The following IFT88 variants were observed in gnomAD, a reference collection of about 807,000 sequenced individuals.
The protein encoded by IFT88 is intraflagellar transport 88.
In IFT88, 74 loss-of-function variants were observed where a neutral mutation model predicts 119.5. The observed-to-expected ratio is 0.62, with a 90% CI of 0.51 to 0.75. IFT88 has a LOEUF of 0.75. Among genes scored for constraint, IFT88 ranks in the 30% least tolerant of loss-of-function variants. The pLI, the probability that IFT88 is intolerant of heterozygous loss-of-function variation, is 0.00. For synonymous variants in IFT88, 279 were observed against 316.7 expected (o/e 0.88, Z 1.26); for missense variants, 961 against 977.7 (o/e 0.98, Z 0.23).
chr13:20,615,409 C>G (rs959483167), intron 13 of IFT88, among the ~76,000 whole-genome samples: 1 of 152,094 alleles, frequency 6.6e-6, no homozygotes, highest in Non-Finnish European at 1.5e-5. Context: ...AATAGTAATT[C>G]AGTTTTACTC....
At chr13:20,610,451 G>A (rs2044282895) in intron 13 of IFT88, among the ~76,000 whole-genome samples, 2 of 152,132 alleles carry the variant, frequency 1.3e-5, no homozygotes, top group South Asian at 4.2e-4. Context: ...CAGGAAACGG[G>A]GATAATTTTG....
chr13:20,648,945 A>G (rs2051166487), intron 20 of IFT88, among the ~76,000 whole-genome samples: 1 of 152,216 alleles, frequency 6.6e-6, no homozygotes, highest in Non-Finnish European at 1.5e-5. Flanking sequence ...ATGATGCTAT[A>G]TATTGGTAAA....
intron 4 of IFT88, 132 bp downstream of exon 4, chr13:20,589,999 C>G: frequency 2.0e-6 from 1 of 491,334 alleles, no homozygotes. Context: ...TACTTACAAA[C>G]ATTATACAAG....
chr13:20,679,686 G>T (rs541033978), intron 24 of IFT88, among the ~76,000 whole-genome samples: 37 of 152,218 alleles, frequency 2.4e-4, no homozygotes, highest in Non-Finnish European at 4.4e-4. Context: ...ACACAACTAT[G>T]TATCCAGACT....
At chr13:20,652,469 T>C (rs1176728590) in intron 20 of IFT88, among the ~76,000 whole-genome samples, 1 of 150,664 alleles carries the variant, frequency 6.6e-6, no homozygotes, top group East Asian at 1.9e-4. Flanking sequence ...AAACTCTCTT[T>C]AAAAAAAAAT....
intron 17 of IFT88, 91 bp from the exon 18 acceptor site, chr13:20,641,199 T>C (rs2049896788): frequency 1.3e-6 from 1 of 751,366 alleles, no homozygotes; most frequent in Admixed American, 2.9e-5. Context: ...ATAAATATTT[T>C]CATATATTTT....
At chr13:20,569,527 C>T (rs1479790731) in intron 1 of IFT88, among the ~76,000 whole-genome samples, 2 of 150,324 alleles carry the variant, frequency 1.3e-5, no homozygotes, top group South Asian at 2.1e-4. Context: ...GAGCCGAGAT[C>T]GCGCCACTGC....
intron 24 of IFT88, among the ~76,000 whole-genome samples, chr13:20,675,699 G>A (rs1008645025): frequency 1.2e-4 from 19 of 152,312 alleles, no homozygotes; most frequent in East Asian, 1.9e-4. Flanking sequence ...TGTACACAGC[G>A]TGTAAGTGAA....
intron 11 of IFT88, 109 bp downstream of exon 11, chr13:20,599,674 A>G (rs2042281158): frequency 3.3e-6 from 2 of 608,598 alleles, no homozygotes; most frequent in African/African-American, 1.9e-5. Flanking sequence ...GTGTTTGTAC[A>G]TGAGATTTAT....
intron 11 of IFT88, among the ~76,000 whole-genome samples, chr13:20,601,162 T>C (rs566913056): frequency 6.6e-6 from 1 of 152,290 alleles, no homozygotes; most frequent in South Asian, 2.1e-4. Context: ...AGTCAGGAGT[T>C]CCAGACCAGC....
At position 20,570,586 on chromosome 13, in the gene IFT88, C is replaced by T. The variant is rs368859039; in HGVS notation, c.-7+3330C>T. On this transcript the variant is annotated intron_variant, in intron 1 of 25. Transcript: ENST00000351808. Reference sequence around the variant, plus strand: ...GTGGATGAACCTTGGAAGCATTATGCTAAGTGAAAGAGACCAGACACAAAA... The same window carrying T: ...GTGGATGAACCTTGGAAGCATTATGTTAAGTGAAAGAGACCAGACACAAAA... Among the ~76,000 whole-genome samples the T allele has an allele frequency of 2.3e-3, 357 of 152,240 alleles. 1 individual carries two copies. The highest frequency in any genetic ancestry group is 0.017 in the South Asian group (82 of 4,822).
intron 14 of IFT88, among the ~76,000 whole-genome samples, chr13:20,620,885 T>A (rs1033910873): frequency 6.6e-6 from 1 of 152,180 alleles, no homozygotes; most frequent in African/African-American, 2.4e-5. Context: ...TCTGGAGAGC[T>A]AGCTAGCCCC....
chr13:20,589,181 T>G (rs2138606762), intron 3 of IFT88, among the ~76,000 whole-genome samples: 1 of 152,342 alleles, frequency 6.6e-6, no homozygotes, highest in South Asian at 2.1e-4. Flanking sequence ...CCATGTATAT[T>G]TTTTAATAGT....
chr13:20,574,867 A>G (rs1345199323), intron 2 of IFT88, among the ~76,000 whole-genome samples: 1 of 152,170 alleles, frequency 6.6e-6, no homozygotes, highest in African/African-American at 2.4e-5. Context: ...TATGGGGAAT[A>G]TGGGATATTT....
chr13:20,685,101 T>G (rs1191974536), intron 24 of IFT88, among the ~76,000 whole-genome samples: 1 of 152,242 alleles, frequency 6.6e-6, no homozygotes, highest in East Asian at 1.9e-4. Flanking sequence ...GATTATAGAT[T>G]AGCTAGAAGC....
intron 16 of IFT88, 62 bp downstream of exon 16, chr13:20,631,164 C>T (rs1335389951): frequency 9.5e-7 from 1 of 1,053,042 alleles, no homozygotes; most frequent in South Asian, 1.3e-5. Context: ...AATTTCTGCC[C>T]AAGGATCATG....
At chr13:20,681,906 A>T (rs140470756) in intron 24 of IFT88, among the ~76,000 whole-genome samples, 121 of 152,356 alleles carry the variant, frequency 7.9e-4, no homozygotes, top group African/African-American at 2.8e-3. Flanking sequence ...CCATTACTAG[A>T]CCCATCTGTA....
At chr13:20,592,463 T>G (rs1394533005) in intron 7 of IFT88, 59 bp downstream of exon 7, 1 of 1,371,442 alleles carries the variant, frequency 7.3e-7, no homozygotes, top group African/African-American at 1.5e-5. Flanking sequence ...AATTTTTATT[T>G]TCCAAATACA....
chr13:20,573,079 C>A (rs1211299691), intron 1 of IFT88, among the ~76,000 whole-genome samples: 2 of 152,064 alleles, frequency 1.3e-5, no homozygotes, highest in Non-Finnish European at 2.9e-5. Flanking sequence ...ATGAGACTCT[C>A]CTCTAAATTA....
Sources: gnomAD v4.1 joint callset for allele counts (sites outside exome capture counted in the v4.1 genomes callset) on GRCh38, gnomAD v4.1.1 for gene constraint, MANE v1.5 for transcripts, NCBI Gene and HGNC (gene_info 2026-07-23, HGNC 2026-07-21) for gene names.